The following CDH4 variants were observed in gnomAD, a reference collection of about 807,000 sequenced individuals.
The protein encoded by CDH4 is cadherin-4.
CDH4 carries 33 observed loss-of-function variants against 86.0 expected under a neutral mutation model. The observed-to-expected ratio is 0.38, with a 90% CI of 0.29 to 0.51. The LOEUF (loss-of-function observed/expected upper bound fraction) is 0.51, where lower values mean the gene tolerates loss of function less well. Ranked by LOEUF, CDH4 falls within the 20% of genes least tolerant of loss-of-function variation. The pLI is 0.86. For synonymous variants in CDH4, 555 were observed against 549.4 expected, an observed-to-expected ratio of 1.01 and a Z score of -0.14; for missense variants, 1,114 against 1,307.4, an observed-to-expected ratio of 0.85 and a Z score of 2.28.
At chr20:61,265,174 A>T (rs1298692952) in intron 2 of CDH4, among the ~76,000 whole-genome samples, 1 of 143,914 alleles carries the variant, frequency 6.9e-6, no homozygotes, top group African/African-American at 2.6e-5. Context: ...ATTCAATCTT[A>T]CACATACCTC....
rs1174663810 is a variant in CDH4 at position 61,533,244 on chromosome 20, A to G, written c.170-210319A>G. Among the ~76,000 whole-genome samples the G allele has an allele frequency of 2.0e-5, 3 of 152,254 alleles. No homozygotes were observed. In the East Asian group the frequency reaches 5.8e-4, roughly 29 times the overall value. On this transcript the variant is annotated intron_variant, in intron 2 of 15. Coordinates refer to ENST00000614565, the MANE Select transcript of CDH4 (RefSeq NM_001794.5). ...CAACAGCCAGTGCCACGGCCCAGAC[A>G]AGGAGTGGCAGGGCGATGGGGGGCA...
At chr20:61,290,902 A>C (rs1050105963) in intron 2 of CDH4, among the ~76,000 whole-genome samples, 1 of 152,170 alleles carries the variant, frequency 6.6e-6, no homozygotes, top group Non-Finnish European at 1.5e-5. Flanking sequence ...GCATGGCTGG[A>C]TCCAGGAGTC....
intron 2 of CDH4, among the ~76,000 whole-genome samples, chr20:61,307,471 G>A (rs535722495): frequency 1.3e-5 from 2 of 152,326 alleles, no homozygotes; most frequent in South Asian, 2.1e-4. Flanking sequence ...CACACGTTGC[G>A]CGTATCATTC....
intron 2 of CDH4, among the ~76,000 whole-genome samples, chr20:61,571,575 C>T (rs1472402989): frequency 1.3e-5 from 2 of 152,182 alleles, no homozygotes; most frequent in African/African-American, 2.4e-5. Context: ...GGTCTTTCTG[C>T]AGCAACAGGG....
At chr20:61,416,929 CTG>C (rs1296686187) in intron 2 of CDH4, among the ~76,000 whole-genome samples, 1 of 152,042 alleles carries the variant, frequency 6.6e-6, no homozygotes, top group African/African-American at 2.4e-5. Flanking sequence ...AAGTGGATAT[CTG>C]TGCTCAGACA....
intron 2 of CDH4, among the ~76,000 whole-genome samples, chr20:61,320,510 A>G (rs1223261252): frequency 6.6e-6 from 1 of 151,984 alleles, no homozygotes; most frequent in Non-Finnish European, 1.5e-5. Flanking sequence ...GAAATGTTTT[A>G]CTTCAGCCAG....
At position 61,879,535 on chromosome 20, in the gene CDH4, C is replaced by T. The variant is rs913659117; in HGVS notation, c.1050+5635C>T. 2.0e-5 allele frequency among the ~76,000 whole-genome samples: 3 copies of T among 152,282 alleles called. No individual in the cohort carries two copies. Among genetic ancestry groups the T allele is most frequent in the African/African-American group, 4.8e-5 (2 of 41,568 alleles). On this transcript the variant is annotated intron_variant, in intron 7 of 15. Coordinates refer to ENST00000614565, the MANE Select transcript of CDH4 (RefSeq NM_001794.5). This position sits in a 1 kb window ranked among gnomAD's most constrained non-coding sequence, Gnocchi z 4.1. ...ATCATTGCCGCCGTGTCTAATTAGG[C>T]AGAGCTATGTAAATTGAGCGCTTCT...
At chr20:61,499,210 A>G (rs2085683179) in intron 2 of CDH4, among the ~76,000 whole-genome samples, 1 of 152,156 alleles carries the variant, frequency 6.6e-6, no homozygotes, top group South Asian at 2.1e-4. Flanking sequence ...CTGGTTGCGG[A>G]AGCCAGTAGG....
At chr20:61,856,424 C>G (rs573360021) in intron 6 of CDH4, among the ~76,000 whole-genome samples, 15 of 143,374 alleles carry the variant, frequency 1.0e-4, no homozygotes, top group African/African-American at 3.7e-4. Flanking sequence ...GCCCCCCACA[C>G]TCTTCCCCAA....
intron 11 of CDH4, among the ~76,000 whole-genome samples, chr20:61,927,077 G>A (rs2055052814): frequency 6.6e-6 from 1 of 152,200 alleles, no homozygotes; most frequent in African/African-American, 2.4e-5. Context: ...AGGTAGCGCC[G>A]CGCTGCGTCA....
At chr20:61,620,595 A>G (rs1465648938) in intron 2 of CDH4, among the ~76,000 whole-genome samples, 2 of 152,222 alleles carry the variant, frequency 1.3e-5, no homozygotes, top group South Asian at 2.1e-4. Flanking sequence ...AAATCTTGCT[A>G]TAGCAGGAAA....
rs1342457152 is a variant in CDH4 at position 61,717,089 on chromosome 20, G to A, written c.170-26474G>A. On this transcript the variant is annotated intron_variant, in intron 2 of 15. Transcript: ENST00000614565. ...CCCATCCCTGCTCCTCAGCATGCTG[G>A]GCCATGAGCAGGGCAGGGCGTCAGG... Among the ~76,000 whole-genome samples the A allele has an allele frequency of 3.3e-5, 5 of 152,284 alleles. No homozygotes were observed. In the East Asian group the frequency reaches 7.7e-4, roughly 24 times the overall value.
At chr20:61,446,533 G>A (rs374698780) in intron 2 of CDH4, among the ~76,000 whole-genome samples, 2 of 152,138 alleles carry the variant, frequency 1.3e-5, no homozygotes, top group South Asian at 2.1e-4. Flanking sequence ...ATGGATTATC[G>A]TTCAGCTGAT....
intron 2 of CDH4, among the ~76,000 whole-genome samples, chr20:61,556,901 C>T (rs2086182260): frequency 6.6e-6 from 1 of 151,978 alleles, no homozygotes; most frequent in African/African-American, 2.4e-5. Context: ...CGCCGCCATC[C>T]TCACACCAGG....
chr20:61,708,551 C>T lies in CDH4; in HGVS notation c.170-35012C>T, dbSNP rs943603403. On this transcript the variant is annotated intron_variant, in intron 2 of 15. Coordinates refer to ENST00000614565, the MANE Select transcript of CDH4 (RefSeq NM_001794.5). The surrounding 1 kb of genome is among the most constrained non-coding windows in gnomAD (Gnocchi z 4.5). ...CTGACTCGTAGCCGGTGGCTGCAGG[C>T]TCTTTGCCCCCCACTTCCCCAGCCC... Among the ~76,000 whole-genome samples the T allele has an allele frequency of 1.3e-5, 2 of 152,182 alleles. No individual in the cohort carries two copies. Among genetic ancestry groups the T allele is most frequent in the African/African-American group, 4.8e-5 (2 of 41,446 alleles).
intron 2 of CDH4, among the ~76,000 whole-genome samples, chr20:61,668,137 TCTC>T (rs1478395276): frequency 1.3e-5 from 2 of 152,174 alleles, no homozygotes; most frequent in East Asian, 1.9e-4. Context: ...AAAGCCCTAT[TCTC>T]CTCCAGAGGT....
intron 2 of CDH4, among the ~76,000 whole-genome samples, chr20:61,439,697 T>G: frequency 6.6e-6 from 1 of 152,258 alleles, no homozygotes; most frequent in East Asian, 1.9e-4. Flanking sequence ...AGACAGTCAC[T>G]GGCCAGTCCA....
intron 2 of CDH4, among the ~76,000 whole-genome samples, chr20:61,490,505 C>T (rs1310517814): frequency 1.3e-5 from 2 of 152,138 alleles, no homozygotes; most frequent in African/African-American, 4.8e-5. Context: ...TCGAGACCAG[C>T]CTGGCCAACG....
At chr20:61,694,296 C>T (rs1421812765) in intron 2 of CDH4, among the ~76,000 whole-genome samples, 1 of 152,114 alleles carries the variant, frequency 6.6e-6, no homozygotes, top group African/African-American at 2.4e-5. Flanking sequence ...ATGGACCAGG[C>T]ACTGCTGTTT....
Sources: allele counts gnomAD v4.1 joint callset (sites outside exome capture counted in the v4.1 genomes callset), GRCh38; gene constraint gnomAD v4.1.1; non-coding constraint Gnocchi (gnomAD v3.1); transcripts MANE v1.5; gene names NCBI Gene and HGNC (gene_info 2026-07-23, HGNC 2026-07-21).